The following TAF13 variants were observed in gnomAD, a reference collection of about 807,000 sequenced individuals.
TAF13 encodes the protein TATA-box binding protein associated factor 13, also known as transcription initiation factor TFIID subunit 13.
Under a neutral mutation model 18.7 loss-of-function variants are expected in TAF13, and 9 were observed. The ratio of observed to expected loss-of-function variants is 0.48; its 90% CI spans 0.29 to 0.84. The LOEUF (loss-of-function observed/expected upper bound fraction) is 0.84, where lower values mean the gene tolerates loss of function less well. Ranked by LOEUF, TAF13 falls within the 40% of genes least tolerant of loss-of-function variation. The pLI is 0.08. For missense variants in TAF13, 105 were observed against 146.5 expected (o/e 0.72, Z 1.46); for synonymous variants, 49 against 44.1 (o/e 1.11, Z -0.44).
At chr1:109,075,823 T>A (rs1013726019) in intron 1 of TAF13, 98 bp downstream of exon 1, 2 of 1,521,912 alleles carry the variant, frequency 1.3e-6, no homozygotes, top group African/African-American at 2.7e-5. Flanking sequence ...GTCCGCTGAA[T>A]TCACTAAGGC....
chr1:109,066,805 C>T (rs1571295952), intron 2 of TAF13, among the ~76,000 whole-genome samples: 1 of 152,130 alleles, frequency 6.6e-6, no homozygotes, highest in South Asian at 2.1e-4. Flanking sequence ...CAAGCTCCAT[C>T]GCCTCCTGGG....
chr1:109,066,688 C>G (rs1467442616), intron 2 of TAF13, among the ~76,000 whole-genome samples: 1 of 152,042 alleles, frequency 6.6e-6, no homozygotes, highest in African/African-American at 2.4e-5. Context: ...ACATGAGAGA[C>G]AGTTCTCCAA....
chr1:109,071,955 AAAATATATATATATATATATAC>A (rs1664062623), intron 2 of TAF13, among the ~76,000 whole-genome samples: 1 of 18,304 alleles, frequency 5.5e-5, no homozygotes, highest in Non-Finnish European at 1.4e-4. Context: ...TCTCAAAAAG[AAAATATATATATATATATATAC>A]ACACATATAT....
In TAF13 at chr1:109,064,573, C is replaced by T; in HGVS notation, c.325G>A (p.Glu109Lys). The T allele has an allele frequency of 6.4e-7, 1 of 1,567,370 alleles. No homozygotes were observed. The highest frequency in any genetic ancestry group is 8.6e-7 in the Non-Finnish European group (1 of 1,159,068). ...RVKDLLTMNEELKRARKAFDE... is the reference protein window; with the variant it reads ...RVKDLLTMNEKLKRARKAFDE... Reference sequence around the variant, plus strand: ...AATGCTTTTCTAGCTCGTTTCAATTCTTCATTCATAGTAAGCAAGTCTTTA... The same window carrying T: ...AATGCTTTTCTAGCTCGTTTCAATTTTTCATTCATAGTAAGCAAGTCTTTA... Residue 109 changes from glutamate (E) to lysine (K), a missense_variant, in exon 4 of 4, where the codon GAA becomes AAA. Coordinates refer to ENST00000338366, the MANE Select transcript of TAF13 (RefSeq NM_005645.4).
At chr1:109,072,859 A>C (rs72986845) in intron 2 of TAF13, among the ~76,000 whole-genome samples, 19,232 of 150,786 alleles carry the variant, frequency 0.13, 1,301 homozygotes, top group Middle Eastern at 0.22. Flanking sequence ...TGGCTCACTG[A>C]AACTTCTGCC....
intron 3 of TAF13, among the ~76,000 whole-genome samples, chr1:109,065,646 G>A (rs1317756601): frequency 6.6e-6 from 1 of 151,982 alleles, no homozygotes; most frequent in Non-Finnish European, 1.5e-5. Flanking sequence ...CAAGAGGCTG[G>A]GCGCGTTGGC....
chr1:109,074,692 A>T (rs979318577), intron 2 of TAF13, among the ~76,000 whole-genome samples: 2 of 152,114 alleles, frequency 1.3e-5, no homozygotes, highest in Non-Finnish European at 2.9e-5. Context: ...AGGCAGGAGA[A>T]TGGCATGAAC....
chr1:109,065,951 G>C (rs1407652018), intron 3 of TAF13, among the ~76,000 whole-genome samples, 184 bp downstream of exon 3: 1 of 151,900 alleles, frequency 6.6e-6, no homozygotes, highest in Non-Finnish European at 1.5e-5. Context: ...AGGAAGAAGG[G>C]GGGATAGAAT....
intron 2 of TAF13, among the ~76,000 whole-genome samples, chr1:109,071,249 T>C (rs1571298261): frequency 1.3e-5 from 2 of 152,082 alleles, no homozygotes; most frequent in East Asian, 3.9e-4. Flanking sequence ...AACACCAGCC[T>C]GGCTAACATG....
At chr1:109,070,267 GGA>G (rs1664026632) in intron 2 of TAF13, among the ~76,000 whole-genome samples, 1 of 152,144 alleles carries the variant, frequency 6.6e-6, no homozygotes, top group South Asian at 2.1e-4. Flanking sequence ...TCACCAGGCT[GGA>G]GTTCAGTGGT....
At chr1:109,075,268 G>A (rs941767981) in intron 1 of TAF13, among the ~76,000 whole-genome samples, 2 of 151,524 alleles carry the variant, frequency 1.3e-5, no homozygotes, top group Non-Finnish European at 2.9e-5. Flanking sequence ...CTTCTACAAT[G>A]TTCCTAACTA....
chr1:109,065,950 G>A (rs573684071), intron 3 of TAF13, among the ~76,000 whole-genome samples, 185 bp downstream of exon 3: 5 of 151,936 alleles, frequency 3.3e-5, no homozygotes, highest in African/African-American at 1.2e-4. Context: ...AAGGAAGAAG[G>A]GGGGATAGAA....
At chr1:109,073,635 G>A (rs964837446) in intron 2 of TAF13, among the ~76,000 whole-genome samples, 4 of 152,198 alleles carry the variant, frequency 2.6e-5, no homozygotes, top group African/African-American at 7.2e-5. Flanking sequence ...CCGAGGTGCC[G>A]GGATTCCAGA....
chr1:109,072,122 A>G (rs1350896958), intron 2 of TAF13, among the ~76,000 whole-genome samples: 1 of 58,056 alleles, frequency 1.7e-5, no homozygotes, highest in Non-Finnish European at 3.5e-5. Flanking sequence ...ATATACACAC[A>G]TATATATATA....
rs776800327 is a variant in TAF13 at position 109,075,883 on chromosome 1, G to A, written c.27+38C>T. The stretch of plus-strand genomic sequence containing the variant: ...CCTCCGCTACTGAGCCCGAAGGAGT[G>A]AAGAAAAGACAGGTTTTGGACAGAG... On this transcript the variant is annotated intron_variant, in intron 1 of 3. Transcript: ENST00000338366. 6 of 1,614,122 alleles carry A rather than the reference G, an allele frequency of 3.7e-6. No homozygotes were observed. In the Admixed American group the frequency reaches 1.0e-4, roughly 27 times the overall value.
At chr1:109,067,262 A>G (rs1457376431) in intron 2 of TAF13, among the ~76,000 whole-genome samples, 2 of 151,966 alleles carry the variant, frequency 1.3e-5, no homozygotes, top group Non-Finnish European at 2.9e-5. Flanking sequence ...GTTTGAGACA[A>G]GCCTGGGCAA....
rs140871330 is a variant in TAF13 at position 109,075,652 on chromosome 1, T to C, written c.27+269A>G. 3.9e-5 allele frequency among the ~76,000 whole-genome samples: 6 copies of C among 152,288 alleles called. No homozygotes were observed. In the East Asian group the frequency reaches 7.7e-4, roughly 20 times the overall value. ...ACTGTTGGCTCATAGTGCGCGCTAA[T>C]AGATGTTAGTTTTGATCTCTGATGA... is the stretch of plus-strand genomic sequence containing the variant. On this transcript the variant is annotated intron_variant, in intron 1 of 3. Coordinates refer to ENST00000338366, the MANE Select transcript of TAF13 (RefSeq NM_005645.4).
chr1:109,075,794 C>A, intron 1 of TAF13, 127 bp downstream of exon 1: 1 of 1,195,978 alleles, frequency 8.4e-7, no homozygotes. Flanking sequence ...ATCCTTAGGG[C>A]GTGAAGTCCC....
intron 2 of TAF13, among the ~76,000 whole-genome samples, chr1:109,071,983 T>A (rs1418071873): frequency 0.014 from 978 of 71,186 alleles, 139 homozygotes; most frequent in Middle Eastern, 0.048. Flanking sequence ...TATACACACA[T>A]ATATATATAT....
Sources: gnomAD v4.1 joint callset for allele counts (sites outside exome capture counted in the v4.1 genomes callset) on GRCh38, gnomAD v4.1.1 for gene constraint, MANE v1.5 for transcripts, NCBI Gene and HGNC (gene_info 2026-07-23, HGNC 2026-07-21) for gene names.